Variants in ABLIM2 observed in about 807,000 individuals in gnomAD.
ABLIM2 encodes the protein actin-binding LIM protein 2.
Under a neutral mutation model 97.7 loss-of-function variants are expected in ABLIM2, and 53 were observed. The ratio of observed to expected loss-of-function variants is 0.54; its 90% CI spans 0.44 to 0.68. The LOEUF is 0.68. Among genes scored for constraint, ABLIM2 ranks in the 30% least tolerant of loss-of-function variants. The pLI is 0.00. For missense variants in ABLIM2, 835 were observed against 867.2 expected (o/e 0.96, Z 0.47); for synonymous variants, 361 against 345.8 (o/e 1.04, Z -0.49).
intron 14 of ABLIM2, among the ~76,000 whole-genome samples, chr4:8,016,041 G>GTGTTT (rs1333364091): frequency 1.4e-5 from 1 of 73,292 alleles, no homozygotes; most frequent in African/African-American, 8.3e-5. Context: ...TTTTGTTGTT[G>GTGTTT]TATTTTTTTT....
At chr4:8,057,663 G>A (rs968807585) in intron 7 of ABLIM2, among the ~76,000 whole-genome samples, 8 of 152,102 alleles carry the variant, frequency 5.3e-5, no homozygotes, top group East Asian at 1.9e-4. Context: ...ATTTTAATAC[G>A]GGCATCTTAA....
intron 1 of ABLIM2, among the ~76,000 whole-genome samples, chr4:8,118,341 C>G (rs575246103): frequency 6.6e-6 from 1 of 152,212 alleles, no homozygotes; most frequent in East Asian, 1.9e-4. Context: ...CCATGAGACT[C>G]GTCCTCCAAT....
In ABLIM2 at chr4:7,986,860, A is replaced by G. The variant is rs951860937; in HGVS notation, c.1681-1967T>C. 6.6e-6 allele frequency among the ~76,000 whole-genome samples: 1 copy of G among 152,116 alleles called. No homozygotes were observed. Among genetic ancestry groups the G allele is most frequent in the African/African-American group, 2.4e-5 (1 of 41,404 alleles). Reference sequence around the variant, plus strand: ...GATAATTTTTGTATTTTTAGTAGAGATGGGTTTCACATGTTGGCTAAGCTG... The same window carrying G: ...GATAATTTTTGTATTTTTAGTAGAGGTGGGTTTCACATGTTGGCTAAGCTG... On this transcript the variant is annotated intron_variant, in intron 17 of 20. Coordinates refer to ENST00000447017, the MANE Select transcript of ABLIM2 (RefSeq NM_001130083.2). This position sits in a 1 kb window ranked among gnomAD's most constrained non-coding sequence, Gnocchi z 4.3.
rs1578540628 is a variant in ABLIM2, at chr4:8,149,508, G to A, written c.10+9172C>T. Reference sequence around the variant, plus strand: ...GTCTGTGTCCACAGGTTCAGAGGAAGGAGGGAAGCAGAGGGCCTAGAGATG... The same window carrying A: ...GTCTGTGTCCACAGGTTCAGAGGAAAGAGGGAAGCAGAGGGCCTAGAGATG... On this transcript the variant is annotated intron_variant, in intron 1 of 20. Transcript: ENST00000447017. The surrounding 1 kb of genome is among the most constrained non-coding windows in gnomAD (Gnocchi z 6.4). 6.6e-6 allele frequency among the ~76,000 whole-genome samples: 1 copy of A among 152,122 alleles called. No individual in the cohort carries two copies.
chr4:7,981,289 A>T (rs1295978384), intron 20 of ABLIM2, among the ~76,000 whole-genome samples: 1 of 152,120 alleles, frequency 6.6e-6, no homozygotes, highest in Non-Finnish European at 1.5e-5. Flanking sequence ...TATTGATTAC[A>T]GGTCTTAATA....
chr4:8,119,563 T>C (rs1844352086), intron 1 of ABLIM2, among the ~76,000 whole-genome samples: 2 of 152,070 alleles, frequency 1.3e-5, no homozygotes, highest in Admixed American at 6.5e-5. Context: ...CCTGACCTCA[T>C]GATCCGCCCA....
At chr4:8,011,248 C>G (rs796163688) in intron 14 of ABLIM2, among the ~76,000 whole-genome samples, 1 of 152,216 alleles carries the variant, frequency 6.6e-6, no homozygotes, top group African/African-American at 2.4e-5. Flanking sequence ...CCTCCGCCAT[C>G]TGAGAGAGGG....
rs111583966 is a variant in ABLIM2 at position 8,109,042 on chromosome 4, G to A, written c.11-2405C>T. On this transcript the variant is annotated intron_variant, in intron 1 of 20. Coordinates refer to ENST00000447017, the MANE Select transcript of ABLIM2 (RefSeq NM_001130083.2). Reference sequence around the variant, plus strand: ...GTGGGAGAGGGAACTCACTGGGGCCGTCCAGGAAACCCCGCGTAGCATGTC... The same window carrying A: ...GTGGGAGAGGGAACTCACTGGGGCCATCCAGGAAACCCCGCGTAGCATGTC... Among the ~76,000 whole-genome samples the A allele has an allele frequency of 7.1e-3, 1,087 of 152,342 alleles. 9 individuals carry two copies. The highest frequency in any genetic ancestry group is 0.014 in the Middle Eastern group (4 of 294).
chr4:8,144,363 G>T (rs924056840), intron 1 of ABLIM2, among the ~76,000 whole-genome samples: 1 of 152,222 alleles, frequency 6.6e-6, no homozygotes, highest in Non-Finnish European at 1.5e-5. Flanking sequence ...CACCCCCTAT[G>T]GCAGTGATGA....
chr4:8,090,414 C>T (rs1054257890), intron 3 of ABLIM2, among the ~76,000 whole-genome samples: 27 of 152,242 alleles, frequency 1.8e-4, no homozygotes, highest in African/African-American at 6.5e-4. Context: ...GCCCACAGGA[C>T]ATCCTGCCTA....
chr4:7,968,294 C>T (rs1462246975), intron 20 of ABLIM2, among the ~76,000 whole-genome samples: 3 of 152,254 alleles, frequency 2.0e-5, no homozygotes, highest in South Asian at 2.1e-4. Context: ...ACACACTCCA[C>T]ACAGTTATCA....
intron 1 of ABLIM2, among the ~76,000 whole-genome samples, chr4:8,152,274 G>A (rs535953650): frequency 6.6e-6 from 1 of 152,364 alleles, no homozygotes; most frequent in South Asian, 2.1e-4. Context: ...GGATACGCGT[G>A]TTGCGGCTGA....
At position 8,112,799 on chromosome 4, in the gene ABLIM2, G is replaced by A. The variant is rs1056573897; in HGVS notation, c.11-6162C>T. 6.6e-6 allele frequency among the ~76,000 whole-genome samples: 1 copy of A among 152,160 alleles called. No individual in the cohort carries two copies. The highest frequency in any genetic ancestry group is 2.1e-4 in the South Asian group (1 of 4,824). ...TGCCAAGGCTAGGAGATGGTCACACGGCTAAGAGACTGAGGCCCAGCTCAG... is the reference window on the plus strand; with the variant it reads ...TGCCAAGGCTAGGAGATGGTCACACAGCTAAGAGACTGAGGCCCAGCTCAG... On this transcript the variant is annotated intron_variant, in intron 1 of 20. Transcript: ENST00000447017. This position sits in a 1 kb window ranked among gnomAD's most constrained non-coding sequence, Gnocchi z 4.2.
rs973713654 is a variant in ABLIM2 at position 8,083,978 on chromosome 4, G to A, written c.455-3176C>T. On this transcript the variant is annotated intron_variant, in intron 4 of 20. Coordinates refer to ENST00000447017, the MANE Select transcript of ABLIM2 (RefSeq NM_001130083.2). This position sits in a 1 kb window ranked among gnomAD's most constrained non-coding sequence, Gnocchi z 4.6. ...CCTGGAGCCTCAGCTGGAGCTCAGGGGGTGCAGGTGCAGGAGCCAGACCCC... is the reference window on the plus strand; with the variant it reads ...CCTGGAGCCTCAGCTGGAGCTCAGGAGGTGCAGGTGCAGGAGCCAGACCCC... Among the ~76,000 whole-genome samples the A allele has an allele frequency of 6.6e-6, 1 of 152,142 alleles. No individual in the cohort carries two copies. The highest frequency in any genetic ancestry group is 2.4e-5 in the African/African-American group (1 of 41,426).
intron 1 of ABLIM2, among the ~76,000 whole-genome samples, chr4:8,154,022 G>A (rs1714171482): frequency 6.9e-6 from 1 of 144,718 alleles, no homozygotes; most frequent in Non-Finnish European, 1.5e-5. Flanking sequence ...GAGTGCAGTG[G>A]CGTGATCTCG....
At position 8,113,919 on chromosome 4, in the gene ABLIM2, T is replaced by C. The variant is rs1841541485; in HGVS notation, c.11-7282A>G. ...AGCAATACAGAGAGGGGCACAGGGC[T>C]GTGTGCAGGCACAGCAGGGAGATGA... On this transcript the variant is annotated intron_variant, in intron 1 of 20. Transcript: ENST00000447017. This position sits in a 1 kb window ranked among gnomAD's most constrained non-coding sequence, Gnocchi z 4.5. Among the ~76,000 whole-genome samples the C allele has an allele frequency of 6.6e-6, 1 of 152,202 alleles. No homozygotes were observed. Among genetic ancestry groups the C allele is most frequent in the Non-Finnish European group, 1.5e-5 (1 of 68,038 alleles).
At chr4:8,110,664 G>C (rs113426523) in intron 1 of ABLIM2, among the ~76,000 whole-genome samples, 34,541 of 150,278 alleles carry the variant, frequency 0.23, 4,267 homozygotes, top group Non-Finnish European at 0.27. Flanking sequence ...TGGCGGGGGT[G>C]GGGTGTGGGG....
At position 8,120,661 on chromosome 4, in the gene ABLIM2, G is replaced by A. The variant is rs1011770643; in HGVS notation, c.11-14024C>T. ...CCAGCCCCCATCTGTGTGCTCTGTC[G>A]TGGGAGCATGGGAAACCAGCAGGAG... On this transcript the variant is annotated intron_variant, in intron 1 of 20. Transcript: ENST00000447017. The surrounding 1 kb of genome is among the most constrained non-coding windows in gnomAD (Gnocchi z 5.6). 2.6e-5 allele frequency among the ~76,000 whole-genome samples: 4 copies of A among 152,184 alleles called. No homozygotes were observed. The highest frequency in any genetic ancestry group is 2.6e-4 in the Admixed American group (4 of 15,280).
In ABLIM2 at chr4:7,965,387, T is replaced by C. The variant is rs1051421112; in HGVS notation, c.*1603A>G. 4 of 152,628 alleles carry C rather than the reference T, an allele frequency of 2.6e-5. No homozygotes were observed. Among genetic ancestry groups the C allele is most frequent in the Non-Finnish European group, 5.9e-5 (4 of 68,036 alleles). 9.5% of individuals were successfully genotyped at this position (152,628 alleles called of 1,614,324 possible). ...GGGATCAGATATGACATTGCACTAATGAGAAATGGGGGTTTCCAGTTGCTC... is the reference window on the plus strand; with the variant it reads ...GGGATCAGATATGACATTGCACTAACGAGAAATGGGGGTTTCCAGTTGCTC... On this transcript the variant is annotated 3_prime_UTR_variant, in exon 21 of 21. Transcript: ENST00000447017.
Sources: allele counts gnomAD v4.1 joint callset (sites outside exome capture counted in the v4.1 genomes callset), GRCh38; gene constraint gnomAD v4.1.1; non-coding constraint Gnocchi (gnomAD v3.1); transcripts MANE v1.5; gene names NCBI Gene and HGNC (gene_info 2026-07-23, HGNC 2026-07-21).